Variants in KCNJ15 observed in about 807,000 individuals in gnomAD.
KCNJ15 encodes potassium inwardly rectifying channel subfamily J member 15.
Under a neutral mutation model 23.0 loss-of-function variants are expected in KCNJ15, and 14 were observed. That is an observed-to-expected ratio of 0.61 (90% CI 0.40 to 0.95). KCNJ15 has a LOEUF of 0.95. Among genes scored for constraint, KCNJ15 ranks in the 40% least tolerant of loss-of-function variants. KCNJ15 has a pLI of 0.00. For synonymous variants in KCNJ15, 185 were observed against 183.2 expected (o/e 1.01, Z -0.08); for missense variants, 388 against 461.8 (o/e 0.84, Z 1.46).
chr21:38,242,337 C>A (rs1485825363), intron 1 of KCNJ15, among the ~76,000 whole-genome samples: 1 of 152,122 alleles, frequency 6.6e-6, no homozygotes, highest in Admixed American at 6.5e-5. Flanking sequence ...TTCTCTGATG[C>A]AGGTTCTGCC....
intron 1 of KCNJ15, among the ~76,000 whole-genome samples, chr21:38,262,771 C>T (rs751261874): frequency 9.9e-5 from 15 of 151,948 alleles, no homozygotes; most frequent in African/African-American, 1.4e-4. Flanking sequence ...CTCCACCTCC[C>T]GGGTTCAAAG....
intron 1 of KCNJ15, among the ~76,000 whole-genome samples, chr21:38,294,749 G>C (rs1030540063): frequency 1.3e-5 from 2 of 152,096 alleles, no homozygotes; most frequent in Non-Finnish European, 2.9e-5. Context: ...TGTGCCTTCT[G>C]TTCCATTCTG....
Position 38,299,744 on chromosome 21 carries a change from C to A in KCNJ15, c.483C>A (p.Thr161=). The change falls in exon 3 of 3, where the codon ACC becomes ACA. Residue 161 remains threonine, a synonymous_variant. Transcript: ENST00000398938. The surrounding 1 kb of genome is among the most constrained non-coding windows in gnomAD (Gnocchi z 4.5). The part of the protein sequence containing the change: ...VITTLIEIFI[T]GTFLAKIARP... ...CGACCTTGATTGAGATCTTCATCAC[C>A]GGAACCTTCCTGGCCAAAATCGCCA... 6.2e-7 allele frequency: 1 copy of A among 1,614,098 alleles called. No homozygotes were observed.
chr21:38,262,711 G>C (rs1233177792), intron 1 of KCNJ15, among the ~76,000 whole-genome samples: 1 of 151,066 alleles, frequency 6.6e-6, no homozygotes, highest in Admixed American at 6.6e-5. Flanking sequence ...TGGAGTCTTG[G>C]TCTGTCACCC....
intron 1 of KCNJ15, among the ~76,000 whole-genome samples, chr21:38,277,045 G>GTT (rs1982784761): frequency 6.6e-6 from 1 of 151,350 alleles, no homozygotes; most frequent in African/African-American, 2.4e-5. Context: ...GTGTGTGTGT[G>GTT]TGTAAAATTA....
chr21:38,300,478 T>C lies in KCNJ15; in HGVS notation c.*89T>C, dbSNP rs1985682002. 1 of 1,155,350 alleles carries C rather than the reference T, an allele frequency of 8.7e-7. No homozygotes were observed. The highest frequency in any genetic ancestry group is 1.2e-6 in the Non-Finnish European group (1 of 812,432). 71.6% of individuals were successfully genotyped at this position (1,155,350 alleles called of 1,614,324 possible). A position where few individuals can be genotyped will look rare whatever the true frequency, so the allele number is the denominator to read the frequency against. The stretch of plus-strand genomic sequence containing the variant: ...ACAAAGATTGCTGTGAAAACGAAAA[T>C]GTGTAGACGCACTCTCAAAAACTGC... On this transcript the variant is annotated 3_prime_UTR_variant, in exon 3 of 3. Coordinates refer to ENST00000398938, the MANE Select transcript of KCNJ15 (RefSeq NM_170736.3).
rs145651076 is a variant in KCNJ15 at position 38,299,412 on chromosome 21, C to T, written c.151C>T (p.Leu51=). The T allele has an allele frequency of 9.1e-5, 147 of 1,614,184 alleles. No homozygotes were observed. The African/African-American group carries it at 1.7e-3, about 18-fold the overall frequency. ...DKVDGIYLLY[L]QDLWTTVIDM... ...AGTGGATGGCATATACCTACTCTACCTGCAAGACCTGTGGACCACAGTTAT... is the reference window on the plus strand; with the variant it reads ...AGTGGATGGCATATACCTACTCTACTTGCAAGACCTGTGGACCACAGTTAT... The change falls in exon 3 of 3, where the codon CTG becomes TTG. Residue 51 remains leucine, a synonymous_variant. Coordinates refer to ENST00000398938, the MANE Select transcript of KCNJ15 (RefSeq NM_170736.3). This position sits in a 1 kb window ranked among gnomAD's most constrained non-coding sequence, Gnocchi z 4.5.
At chr21:38,290,270 C>T (rs1326688799) in intron 1 of KCNJ15, among the ~76,000 whole-genome samples, 2 of 151,998 alleles carry the variant, frequency 1.3e-5, no homozygotes, top group Non-Finnish European at 1.5e-5. Flanking sequence ...GGTTGATGTT[C>T]TATGAGATTA....
At chr21:38,245,018 A>AG (rs991996389) in intron 1 of KCNJ15, among the ~76,000 whole-genome samples, 7 of 152,078 alleles carry the variant, frequency 4.6e-5, no homozygotes, top group Non-Finnish European at 8.8e-5. Context: ...GATGCTCTTT[A>AG]GGGGCTAGTG....
At chr21:38,245,379 A>G (rs898432361) in intron 1 of KCNJ15, among the ~76,000 whole-genome samples, 1 of 151,920 alleles carries the variant, frequency 6.6e-6, no homozygotes, top group Non-Finnish European at 1.5e-5. Context: ...GGTGATTCTA[A>G]TATGTGGTCA....
chr21:38,255,967 T>C (rs1313379681), upstream of KCNJ15, among the ~76,000 whole-genome samples: 1 of 152,196 alleles, frequency 6.6e-6, no homozygotes, highest in African/African-American at 2.4e-5. Context: ...TTTGCGTCTC[T>C]TGGCATTGCC....
upstream of KCNJ15, among the ~76,000 whole-genome samples, chr21:38,254,821 G>T (rs1980080537): frequency 1.3e-5 from 2 of 151,938 alleles, no homozygotes; most frequent in South Asian, 2.1e-4. Context: ...AACATTTCTG[G>T]CAGTGTTTTA....
chr21:38,267,460 A>G (rs2123631614), intron 1 of KCNJ15: 1 of 152,374 alleles, frequency 6.6e-6, no homozygotes, highest in African/African-American at 2.4e-5. Flanking sequence ...GGGGAATATA[A>G]TTACAAAGGA....
chr21:38,297,678 G>C (rs1340466419), intron 2 of KCNJ15, among the ~76,000 whole-genome samples: 1 of 152,200 alleles, frequency 6.6e-6, no homozygotes, highest in Non-Finnish European at 1.5e-5. Flanking sequence ...TAAGGCCCTA[G>C]TTCATCAATT....
At chr21:38,272,022 T>G (rs1982153812) in intron 1 of KCNJ15, among the ~76,000 whole-genome samples, 1 of 152,196 alleles carries the variant, frequency 6.6e-6, no homozygotes, top group Non-Finnish European at 1.5e-5. Context: ...ATTACTAAAG[T>G]ATGAGGCTTG....
rs1187425229 is a variant in KCNJ15, at chr21:38,304,731, T to C, written c.*4342T>C. 3 of 82,030 alleles carry C rather than the reference T, an allele frequency of 3.7e-5. No individual in the cohort carries two copies. Among genetic ancestry groups the C allele is most frequent in the Non-Finnish European group, 7.4e-5 (3 of 40,614 alleles). 5.1% of individuals were successfully genotyped at this position (82,030 alleles called of 1,614,324 possible). On this transcript the variant is annotated 3_prime_UTR_variant, in exon 3 of 3. Coordinates refer to ENST00000398938, the MANE Select transcript of KCNJ15 (RefSeq NM_170736.3). ...CGCTCTGTCGCCCAGGCTGCTAGAGTGCAGTGGCGCGATTTCGGCTCACTG... is the reference window on the plus strand; with the variant it reads ...CGCTCTGTCGCCCAGGCTGCTAGAGCGCAGTGGCGCGATTTCGGCTCACTG...
At position 38,279,630 on chromosome 21, in the gene KCNJ15, C is replaced by G. The variant is rs114316343; in HGVS notation, c.-116-17296C>G. On this transcript the variant is annotated intron_variant, in intron 1 of 2. Coordinates refer to ENST00000398938, the MANE Select transcript of KCNJ15 (RefSeq NM_170736.3). The stretch of plus-strand genomic sequence containing the variant: ...TGGAGTGGTGAGCTGAGAGGTTACT[C>G]TCTTGGTTGAAGAGTAATCACCCAG... Among the ~76,000 whole-genome samples, 1,188 of 152,226 alleles carry G rather than the reference C, an allele frequency of 7.8e-3. 24 individuals are homozygous for G. The highest frequency in any genetic ancestry group is 0.027 in the African/African-American group (1,111 of 41,526).
intron 1 of KCNJ15, among the ~76,000 whole-genome samples, chr21:38,230,691 G>A (rs2898348): frequency 0.46 from 70,063 of 151,796 alleles, 16,962 homozygotes; most frequent in East Asian, 0.86. Context: ...CCTACCTCAA[G>A]TTAATATAAT....
upstream of KCNJ15, among the ~76,000 whole-genome samples, chr21:38,255,723 C>T (rs1485053158): frequency 6.6e-6 from 1 of 152,198 alleles, no homozygotes; most frequent in Non-Finnish European, 1.5e-5. Context: ...AATGACACCC[C>T]ATCCCTTCCA....
Sources: allele counts gnomAD v4.1 joint callset (sites outside exome capture counted in the v4.1 genomes callset), GRCh38; gene constraint gnomAD v4.1.1; non-coding constraint Gnocchi (gnomAD v3.1); transcripts MANE v1.5; gene names NCBI Gene and HGNC (gene_info 2026-07-23, HGNC 2026-07-21).